Variants in PDE7A observed in about 807,000 individuals in gnomAD.
The protein encoded by PDE7A is high affinity 3',5'-cyclic-AMP phosphodiesterase 7A.
Under a neutral mutation model 64.3 loss-of-function variants are expected in PDE7A, and 39 were observed. The observed-to-expected ratio is 0.61, with a 90% confidence interval of 0.47 to 0.79. PDE7A has a LOEUF of 0.79. PDE7A is among the 30% of genes least tolerant of loss of function. The probability of loss-of-function intolerance (pLI) is 0.00; values close to 1 mark genes in which losing one functional copy is unlikely to be tolerated. For synonymous variants in PDE7A, 203 were observed against 206.8 expected (o/e 0.98, Z 0.16); for missense variants, 470 against 582.8 (o/e 0.81, Z 1.99).
At chr8:65,754,940 G>A (rs1390683900) in intron 3 of PDE7A, among the ~76,000 whole-genome samples, 1 of 150,466 alleles carries the variant, frequency 6.6e-6, no homozygotes, top group Admixed American at 6.6e-5. Flanking sequence ...ACTCCAGCCT[G>A]GCGACAGAGC....
intron 9 of PDE7A, 136 bp downstream of exon 9, chr8:65,726,739 A>G (rs535098608): frequency 1.7e-4 from 91 of 538,572 alleles, no homozygotes; most frequent in African/African-American, 1.6e-3. Flanking sequence ...AAAATTGTAT[A>G]TAATTTATTA....
intron 5 of PDE7A, among the ~76,000 whole-genome samples, chr8:65,742,138 G>A (rs541385547): frequency 3.2e-4 from 48 of 152,180 alleles, no homozygotes; most frequent in Non-Finnish European, 4.7e-4. Context: ...AAATGGAAAT[G>A]GAAACACTTT....
intron 1 of PDE7A, among the ~76,000 whole-genome samples, chr8:65,790,884 C>G (rs1809682832): frequency 6.6e-6 from 1 of 152,198 alleles, no homozygotes; most frequent in Non-Finnish European, 1.5e-5. Context: ...CAGAGTGTAT[C>G]TTAGGCCAAT....
chr8:65,783,648 C>T lies in PDE7A; in HGVS notation c.139-805G>A, dbSNP rs1239651428. 2.6e-5 allele frequency among the ~76,000 whole-genome samples: 4 copies of T among 152,284 alleles called. No individual in the cohort carries two copies. In the East Asian group the frequency reaches 5.8e-4, roughly 22 times the overall value. ...GCTACAGCTGAAGTTGTCTTGTCTG[C>T]GTGTTACTAAAAGCTCCACAAGAGC... On this transcript the variant is annotated intron_variant, in intron 1 of 12. Coordinates refer to ENST00000401827, the MANE Select transcript of PDE7A (RefSeq NM_001242318.3).
chr8:65,733,009 C>G (rs1806963925), intron 7 of PDE7A, among the ~76,000 whole-genome samples: 1 of 152,118 alleles, frequency 6.6e-6, no homozygotes, highest in Non-Finnish European at 1.5e-5. Context: ...GTGCCCAGTC[C>G]TGGGTGACTC....
At chr8:65,796,702 T>C (rs1466450235) in intron 1 of PDE7A, among the ~76,000 whole-genome samples, 1 of 152,108 alleles carries the variant, frequency 6.6e-6, no homozygotes, top group African/African-American at 2.4e-5. Flanking sequence ...CTTCACCATA[T>C]AAAGGACATC....
chr8:65,774,704 T>G (rs1026631265), intron 3 of PDE7A, among the ~76,000 whole-genome samples: 5 of 151,762 alleles, frequency 3.3e-5, no homozygotes, highest in African/African-American at 4.8e-5. Flanking sequence ...CTAAATATTG[T>G]TTAAATTTAT....
At chr8:65,828,355 A>G (rs1431683953) in intron 1 of PDE7A, among the ~76,000 whole-genome samples, 1 of 152,118 alleles carries the variant, frequency 6.6e-6, no homozygotes, top group African/African-American at 2.4e-5. Flanking sequence ...CAGGCATGCC[A>G]TTTTGCAACT....
intron 1 of PDE7A, among the ~76,000 whole-genome samples, chr8:65,802,358 TA>T (rs1244141830): frequency 4.6e-5 from 7 of 152,200 alleles, no homozygotes; most frequent in African/African-American, 1.7e-4. Context: ...TTTACCACAA[TA>T]AAAAAATGCA....
rs559119848 is a variant in PDE7A at position 65,737,137 on chromosome 8, GTTA to G, written c.596-2246_596-2244del. On this transcript the variant is annotated intron_variant, in intron 6 of 12. Coordinates refer to ENST00000401827, the MANE Select transcript of PDE7A (RefSeq NM_001242318.3). ...AAACAAACTAACTAAAAACACCTGAGTTATTATTTTCTCAATTCTCCCAAGGAC... is the reference window on the plus strand; with the variant it reads ...AAACAAACTAACTAAAAACACCTGAGTTATTTTCTCAATTCTCCCAAGGAC... Among the ~76,000 whole-genome samples the G allele has an allele frequency of 1.3e-3, 191 of 152,100 alleles. 3 individuals carry two copies. The South Asian group carries it at 0.014, about 11-fold the overall frequency.
intron 3 of PDE7A, among the ~76,000 whole-genome samples, chr8:65,752,410 AT>A (rs1808011252): frequency 6.6e-6 from 1 of 151,984 alleles, no homozygotes; most frequent in Non-Finnish European, 1.5e-5. Context: ...GAATGTTCAA[AT>A]TTTTTTTCAG....
chr8:65,821,910 A>G (rs1810550649), intron 1 of PDE7A, among the ~76,000 whole-genome samples: 1 of 152,128 alleles, frequency 6.6e-6, no homozygotes, highest in Non-Finnish European at 1.5e-5. Context: ...AAAATTACAC[A>G]TGTGGCTCAC....
rs1806203726 is a variant in PDE7A, at chr8:65,717,863, G to A, written c.*1427C>T. On this transcript the variant is annotated 3_prime_UTR_variant, in exon 13 of 13. Transcript: ENST00000401827. ...TTACAGTAACAAGGGAAATACAAATGAACTAAAAGAAAGCACCGGTTTCTC... is the reference window on the plus strand; with the variant it reads ...TTACAGTAACAAGGGAAATACAAATAAACTAAAAGAAAGCACCGGTTTCTC... 1.3e-5 allele frequency: 2 copies of A among 152,230 alleles called. No homozygotes were observed. The highest frequency in any genetic ancestry group is 4.1e-4 in the South Asian group (2 of 4,826). 9.4% of individuals were successfully genotyped at this position (152,230 alleles called of 1,614,324 possible). A position where few individuals can be genotyped will look rare whatever the true frequency, so the allele number is the denominator to read the frequency against.
At chr8:65,828,894 C>T (rs1032210809) in intron 1 of PDE7A, among the ~76,000 whole-genome samples, 3 of 151,930 alleles carry the variant, frequency 2.0e-5, no homozygotes, top group African/African-American at 4.8e-5. Flanking sequence ...CTGCTTGAGA[C>T]TTTTGCTAAT....
intron 1 of PDE7A, among the ~76,000 whole-genome samples, chr8:65,797,580 A>G (rs150114402): frequency 1.4e-4 from 21 of 152,286 alleles, no homozygotes; most frequent in African/African-American, 2.9e-4. Context: ...AGGTTTTGAT[A>G]CTTTGTTTTA....
chr8:65,736,286 A>G (rs1024510104), intron 6 of PDE7A, among the ~76,000 whole-genome samples: 8 of 152,186 alleles, frequency 5.3e-5, no homozygotes, highest in Admixed American at 5.2e-4. Context: ...CACGCTGCTC[A>G]CAATGGTGTG....
intron 9 of PDE7A, chr8:65,725,206 A>T (rs1806562708): frequency 2.6e-5 from 5 of 192,218 alleles, no homozygotes; most frequent in Admixed American, 1.2e-4. Context: ...TATTTGCTTT[A>T]AAAAAAAAAT....
intron 1 of PDE7A, among the ~76,000 whole-genome samples, chr8:65,827,340 T>C (rs544743143): frequency 1.3e-5 from 2 of 152,342 alleles, no homozygotes; most frequent in East Asian, 3.9e-4. Flanking sequence ...AATGGTAATA[T>C]TCTATGATCT....
At chr8:65,837,071 T>C (rs1049608193) in intron 1 of PDE7A, among the ~76,000 whole-genome samples, 4 of 152,240 alleles carry the variant, frequency 2.6e-5, no homozygotes, top group East Asian at 1.9e-4. Context: ...TCCAGTATAA[T>C]AATTACACCA....
Sources: allele counts gnomAD v4.1 joint callset (sites outside exome capture counted in the v4.1 genomes callset), GRCh38; gene constraint gnomAD v4.1.1; transcripts MANE v1.5; gene names NCBI Gene and HGNC (gene_info 2026-07-23, HGNC 2026-07-21).